The following TRPS1 variants were observed in gnomAD, a reference collection of about 807,000 sequenced individuals.
The protein encoded by TRPS1 is transcriptional repressor GATA binding 1.
A neutral mutation model predicts 101.2 loss-of-function variants in TRPS1; 6 were observed. The ratio of observed to expected loss-of-function variants is 0.06; its 90% CI spans 0.03 to 0.12. The LOEUF (loss-of-function observed/expected upper bound fraction) is 0.12, where lower values mean the gene tolerates loss of function less well. TRPS1 is among the 10% of genes least tolerant of loss of function. The pLI, the probability that TRPS1 is intolerant of heterozygous loss-of-function variation, is 1.00. For missense variants in TRPS1, 1,363 were observed against 1,567.0 expected (o/e 0.87, Z 2.20); for synonymous variants, 578 against 589.8 (o/e 0.98, Z 0.29).
intron 2 of TRPS1, among the ~76,000 whole-genome samples, chr8:115,622,622 T>C (rs1489549575): frequency 2.6e-5 from 4 of 152,178 alleles, no homozygotes; most frequent in Non-Finnish European, 4.4e-5. Flanking sequence ...AATATAATCT[T>C]CCCTTACTGA....
intron 5 of TRPS1, among the ~76,000 whole-genome samples, chr8:115,540,692 C>T (rs1044959507): frequency 2.0e-5 from 3 of 151,606 alleles, no homozygotes; most frequent in African/African-American, 7.3e-5. Flanking sequence ...TATGTCAAAA[C>T]ACAAAAAATA....
At chr8:115,482,214 CA>C (rs1814771778) in intron 5 of TRPS1, among the ~76,000 whole-genome samples, 1 of 152,028 alleles carries the variant, frequency 6.6e-6, no homozygotes, top group Admixed American at 6.6e-5. Flanking sequence ...TCAATGAGGG[CA>C]AAAACAAATC....
chr8:115,587,875 G>A (rs530765396), intron 4 of TRPS1, among the ~76,000 whole-genome samples: 4 of 152,134 alleles, frequency 2.6e-5, no homozygotes, highest in African/African-American at 9.7e-5. Context: ...ACGCACGCAC[G>A]CACGCTGCTC....
At chr8:115,519,510 T>A (rs1473618456) in intron 5 of TRPS1, among the ~76,000 whole-genome samples, 1 of 151,618 alleles carries the variant, frequency 6.6e-6, no homozygotes, top group Non-Finnish European at 1.5e-5. Flanking sequence ...CGATAGATGA[T>A]CATTGGATTA....
chr8:115,643,806 C>A (rs539063010), intron 1 of TRPS1, among the ~76,000 whole-genome samples: 20 of 152,190 alleles, frequency 1.3e-4, no homozygotes, highest in Non-Finnish European at 2.4e-4. Flanking sequence ...ATCACTATGG[C>A]AGGTATAGCT....
intron 1 of TRPS1, among the ~76,000 whole-genome samples, chr8:115,664,459 A>G (rs1196680487): frequency 6.6e-6 from 1 of 152,138 alleles, no homozygotes; most frequent in Non-Finnish European, 1.5e-5. Flanking sequence ...TTATTTCTGT[A>G]TAATAACAAA....
At chr8:115,619,054 G>A (rs1034757765) in intron 3 of TRPS1, 78 bp downstream of exon 3, 14 of 1,533,936 alleles carry the variant, frequency 9.1e-6, no homozygotes, top group Non-Finnish European at 1.2e-5. Flanking sequence ...TGGGACCTTG[G>A]TTTTAACATG....
chr8:115,431,319 C>T (rs563616562), intron 5 of TRPS1, among the ~76,000 whole-genome samples: 72 of 152,150 alleles, frequency 4.7e-4, no homozygotes, highest in African/African-American at 1.5e-3. Flanking sequence ...TGTTAATGTG[C>T]ATATGCACAA....
intron 5 of TRPS1, among the ~76,000 whole-genome samples, chr8:115,445,780 G>A (rs564460991): frequency 4.7e-4 from 72 of 152,126 alleles, no homozygotes; most frequent in African/African-American, 1.6e-3. Context: ...AGTAGGCAAC[G>A]AAAAATTACT....
intron 3 of TRPS1, among the ~76,000 whole-genome samples, chr8:115,610,690 T>C (rs746394929): frequency 2.0e-5 from 3 of 152,218 alleles, no homozygotes; most frequent in Non-Finnish European, 4.4e-5. Flanking sequence ...AGATTTTTAT[T>C]ATTGGCTTTT....
At chr8:115,481,078 C>T (rs1225869872) in intron 5 of TRPS1, among the ~76,000 whole-genome samples, 3 of 151,956 alleles carry the variant, frequency 2.0e-5, no homozygotes, top group African/African-American at 7.2e-5. Context: ...TGTAAATATG[C>T]TGTTTATCTT....
chr8:115,506,798 C>T (rs182049246), intron 5 of TRPS1, among the ~76,000 whole-genome samples: 1 of 152,114 alleles, frequency 6.6e-6, no homozygotes, highest in East Asian at 1.9e-4. Context: ...TCACAATCAA[C>T]GCCTGTCCCA....
At chr8:115,588,885 T>C (rs1468691895) in intron 4 of TRPS1, among the ~76,000 whole-genome samples, 3 of 152,228 alleles carry the variant, frequency 2.0e-5, no homozygotes, top group Non-Finnish European at 4.4e-5. Flanking sequence ...AAAAGATATA[T>C]AGTCTTTGCC....
chr8:115,654,224 A>C (rs1811629370), intron 1 of TRPS1, among the ~76,000 whole-genome samples: 1 of 82,234 alleles, frequency 1.2e-5, no homozygotes, highest in African/African-American at 4.9e-5. Flanking sequence ...CATGGCTAGA[A>C]ATGGAAAGTT....
At chr8:115,534,735 AAT>A (rs1252523565) in intron 5 of TRPS1, among the ~76,000 whole-genome samples, 1 of 152,232 alleles carries the variant, frequency 6.6e-6, no homozygotes, top group Non-Finnish European at 1.5e-5. Flanking sequence ...GAGTGGTAAT[AAT>A]ATATGATGCT....
chr8:115,535,293 T>TAGCATATATAG lies in TRPS1; in HGVS notation c.2700+51707_2700+51708insCTATATATGCT, dbSNP rs1563583083. 2.1e-3 allele frequency among the ~76,000 whole-genome samples: 219 copies of TAGCATATATAG among 106,496 alleles called. 19 individuals are homozygous for TAGCATATATAG. Among genetic ancestry groups the TAGCATATATAG allele is most frequent in the African/African-American group, 5.6e-3 (169 of 30,336 alleles). 69.9% of individuals were successfully genotyped at this position (106,496 alleles called of 152,430 possible). ...ATATATAGCATATATAGCATATATATAGCATATATATAGCATATATAGCAT... is the reference window on the plus strand; with the variant it reads ...ATATATAGCATATATAGCATATATATAGCATATATAGAGCATATATATAGCATATATAGCAT... On this transcript the variant is annotated intron_variant, in intron 5 of 6. Transcript: ENST00000395715.
At chr8:115,519,495 C>T (rs970585000) in intron 5 of TRPS1, among the ~76,000 whole-genome samples, 2 of 151,208 alleles carry the variant, frequency 1.3e-5, no homozygotes, top group African/African-American at 4.8e-5. Flanking sequence ...ACTCAAAGTC[C>T]ATTTCGATAG....
intron 5 of TRPS1, among the ~76,000 whole-genome samples, chr8:115,452,383 A>G (rs775015133): frequency 6.6e-6 from 1 of 152,224 alleles, no homozygotes; most frequent in African/African-American, 2.4e-5. Flanking sequence ...GTTTTGCTAC[A>G]GCCAGATGTT....
At chr8:115,458,262 T>C (rs1814079293) in intron 5 of TRPS1, among the ~76,000 whole-genome samples, 1 of 152,122 alleles carries the variant, frequency 6.6e-6, no homozygotes, top group South Asian at 2.1e-4. Context: ...ATTGAGCTGC[T>C]CAGAAAAACT....
Sources: allele counts gnomAD v4.1 joint callset (sites outside exome capture counted in the v4.1 genomes callset), GRCh38; gene constraint gnomAD v4.1.1; transcripts MANE v1.5; gene names NCBI Gene and HGNC (gene_info 2026-07-23, HGNC 2026-07-21).